Variants in RPGRIP1L observed in about 807,000 individuals in gnomAD.
The protein encoded by RPGRIP1L is RPGRIP1 like.
Under a neutral mutation model 160.4 loss-of-function variants are expected in RPGRIP1L, and 131 were observed. That is an observed-to-expected ratio of 0.82 (90% CI 0.71 to 0.94). RPGRIP1L has a LOEUF of 0.94. Ranked by LOEUF, RPGRIP1L falls within the 40% of genes least tolerant of loss-of-function variation. RPGRIP1L has a pLI of 0.00. For synonymous variants in RPGRIP1L, 510 were observed against 515.8 expected (o/e 0.99, Z 0.15); for missense variants, 1,522 against 1,535.8 (o/e 0.99, Z 0.15).
intron 6 of RPGRIP1L, 45 bp downstream of exon 6, chr16:53,686,386 TAA>T: frequency 6.3e-7 from 1 of 1,580,218 alleles, no homozygotes; most frequent in South Asian, 1.1e-5. Context: ...TAAAGTATTT[TAA>T]ACTAATTTTG....
At chr16:53,662,857 G>C (rs891814911) in intron 10 of RPGRIP1L, among the ~76,000 whole-genome samples, 1 of 152,000 alleles carries the variant, frequency 6.6e-6, no homozygotes, top group Non-Finnish European at 1.5e-5. Context: ...GTAAAAATTT[G>C]TGTGGAAAGA....
intron 6 of RPGRIP1L, among the ~76,000 whole-genome samples, chr16:53,681,161 T>C (rs1302106777): frequency 6.6e-6 from 1 of 152,190 alleles, no homozygotes; most frequent in East Asian, 1.9e-4. Context: ...TGTTGCGAGA[T>C]TTGACAGTCG....
intron 23 of RPGRIP1L, 84 bp downstream of exon 23, chr16:53,622,135 T>C (rs917275640): frequency 2.0e-5 from 8 of 409,120 alleles, no homozygotes; most frequent in Non-Finnish European, 3.5e-5. Context: ...GAGGCAGAGG[T>C]GGGCGGATCA....
chr16:53,615,764 G>T (rs963189469), intron 24 of RPGRIP1L, among the ~76,000 whole-genome samples: 1 of 151,108 alleles, frequency 6.6e-6, no homozygotes, highest in African/African-American at 2.4e-5. Context: ...ATGCCAGGAC[G>T]ACTTTTGTAT....
chr16:53,655,723 C>G (rs1967199232), intron 14 of RPGRIP1L: 1 of 152,166 alleles, frequency 6.6e-6, no homozygotes, highest in Non-Finnish European at 1.5e-5. Flanking sequence ...AAGCATGGGC[C>G]CCAGAACCTC....
At position 53,649,074 on chromosome 16, in the gene RPGRIP1L, A is replaced by C. The variant is rs756787466; in HGVS notation, c.2194T>G (p.Trp732Gly). Reference protein sequence around the residue: ...DIPNFGTVEYWFRLRVPMDQA... With the variant: ...DIPNFGTVEYGFRLRVPMDQA... ...TCCATGGGAACTCTTAATCGGAACC[A>C]GTATTCCACTGTGCCAAAATTTGGG... Residue 732 changes from tryptophan (W) to glycine (G), a missense_variant, in exon 16 of 27, where the codon TGG becomes GGG. Physicochemically the swap from Trp to Gly is radical, Grantham distance 184 (BLOSUM62 -2). Coordinates refer to ENST00000647211, the MANE Select transcript of RPGRIP1L (RefSeq NM_015272.5). The C allele has an allele frequency of 1.2e-6, 2 of 1,614,092 alleles. No homozygotes were observed. The highest frequency in any genetic ancestry group is 2.2e-5 in the South Asian group (2 of 91,076).
At chr16:53,662,324 A>G (rs1967872374) in intron 10 of RPGRIP1L, among the ~76,000 whole-genome samples, 1 of 152,170 alleles carries the variant, frequency 6.6e-6, no homozygotes, top group Admixed American at 6.6e-5. Flanking sequence ...GCAAGCCCTT[A>G]AACACATGCA....
At chr16:53,652,005 T>A (rs770450677) in intron 15 of RPGRIP1L, among the ~76,000 whole-genome samples, 26 of 151,880 alleles carry the variant, frequency 1.7e-4, no homozygotes, top group Non-Finnish European at 3.1e-4. Flanking sequence ...CCAAAAAGAG[T>A]ATCAATACAA....
chr16:53,645,155 A>G (rs1719072438), intron 17 of RPGRIP1L, among the ~76,000 whole-genome samples: 2 of 152,160 alleles, frequency 1.3e-5, no homozygotes, highest in South Asian at 4.1e-4. Flanking sequence ...GCAAATATGT[A>G]CGTAAATATC....
At chr16:53,695,642 GTT>G (rs1221552527) in intron 3 of RPGRIP1L, 3 of 558,222 alleles carry the variant, frequency 5.4e-6, no homozygotes, top group Non-Finnish European at 6.3e-6. Context: ...TGACAATACT[GTT>G]TCTTCAGAAA....
intron 22 of RPGRIP1L, among the ~76,000 whole-genome samples, chr16:53,627,015 CTGA>C (rs1965232933): frequency 6.6e-6 from 1 of 152,080 alleles, no homozygotes; most frequent in African/African-American, 2.4e-5. Flanking sequence ...TGCTTCCTGA[CTGA>C]TGATAATTCA....
At chr16:53,640,144 G>T (rs1966113908) in intron 19 of RPGRIP1L, among the ~76,000 whole-genome samples, 1 of 152,144 alleles carries the variant, frequency 6.6e-6, no homozygotes, top group South Asian at 2.1e-4. Flanking sequence ...AAAAAGAGGA[G>T]TCAAGAGGAT....
Position 53,610,974 on chromosome 16 carries a change from T to A in RPGRIP1L, c.3694A>T (p.Asn1232Tyr). ...KAILQKQEMP[N>Y]RSLRFTVVSD... is the part of the protein sequence containing the mutation. Reference sequence around the variant, plus strand: ...TGGACTGCCAAAACATACCTTCTATTAGGCATCTCTTGTTTTTGTAGTATA... The same window carrying A: ...TGGACTGCCAAAACATACCTTCTATAAGGCATCTCTTGTTTTTGTAGTATA... The change falls in exon 25 of 27, where the codon AAT becomes TAT. Residue 1232 changes from asparagine to tyrosine, a missense_variant. Transcript: ENST00000647211. 1 of 1,606,660 alleles carries A rather than the reference T, an allele frequency of 6.2e-7. No homozygotes were observed. Among genetic ancestry groups the A allele is most frequent in the Non-Finnish European group, 8.5e-7 (1 of 1,173,236 alleles).
intron 16 of RPGRIP1L, among the ~76,000 whole-genome samples, chr16:53,648,626 GCACACACACACACA>G (rs113624342): frequency 6.9e-6 from 1 of 143,988 alleles, no homozygotes; most frequent in Non-Finnish European, 1.5e-5. Flanking sequence ...GCGCGCGCGC[GCACACACACACACA>G]CACACACACA....
At chr16:53,662,494 C>T (rs1472968925) in intron 10 of RPGRIP1L, among the ~76,000 whole-genome samples, 1 of 152,110 alleles carries the variant, frequency 6.6e-6, no homozygotes, top group African/African-American at 2.4e-5. Context: ...AGGGAAACAT[C>T]TTCTGGCAAA....
At chr16:53,655,315 ATTATT>A (rs1256902324) in intron 14 of RPGRIP1L, among the ~76,000 whole-genome samples, 2 of 152,208 alleles carry the variant, frequency 1.3e-5, no homozygotes, top group African/African-American at 4.8e-5. Flanking sequence ...TAAGTTTATT[ATTATT>A]TTAACAAATT....
chr16:53,611,759 A>T (rs1015762889), intron 24 of RPGRIP1L, among the ~76,000 whole-genome samples: 5 of 152,194 alleles, frequency 3.3e-5, no homozygotes, highest in Non-Finnish European at 7.3e-5. Flanking sequence ...ACTTTGGGAA[A>T]ATGGCATTTC....
intron 26 of RPGRIP1L, 95 bp from the exon 27 acceptor site, chr16:53,602,283 T>C (rs1421486602): frequency 8.4e-6 from 7 of 834,054 alleles, no homozygotes; most frequent in East Asian, 2.6e-5. Context: ...AAGATGAAAA[T>C]AGTTCTACAG....
intron 15 of RPGRIP1L, among the ~76,000 whole-genome samples, chr16:53,650,843 T>G (rs1744963940): frequency 6.6e-6 from 1 of 152,180 alleles, no homozygotes; most frequent in Non-Finnish European, 1.5e-5. Flanking sequence ...CACTCCTCAG[T>G]TTCTTTTGCT....
Sources: gnomAD v4.1 joint callset for allele counts (sites outside exome capture counted in the v4.1 genomes callset) on GRCh38, gnomAD v4.1.1 for gene constraint, MANE v1.5 for transcripts, NCBI Gene and HGNC (gene_info 2026-07-23, HGNC 2026-07-21) for gene names.